The following DSTYK variants were observed in gnomAD, a reference collection of about 807,000 sequenced individuals.
DSTYK encodes the protein dual serine/threonine and tyrosine protein kinase, also known as RIP-homologous kinase.
DSTYK carries 34 observed loss-of-function variants against 98.7 expected under a neutral mutation model. The observed-to-expected ratio is 0.34, with a 90% confidence interval of 0.26 to 0.46. The LOEUF is 0.46. DSTYK is among the 20% of genes least tolerant of loss of function. The pLI is 1.00. For synonymous variants in DSTYK, 462 were observed against 457.3 expected, an observed-to-expected ratio of 1.01 and a Z score of -0.13; for missense variants, 962 against 1,181.7, an observed-to-expected ratio of 0.81 and a Z score of 2.73.
chr1:205,179,575 C>T (rs1398420120), intron 2 of DSTYK, among the ~76,000 whole-genome samples: 4 of 149,250 alleles, frequency 2.7e-5, no homozygotes, highest in Admixed American at 2.0e-4. Flanking sequence ...GAGCCGAGAT[C>T]GCGCCACTGC....
Position 205,148,220 on chromosome 1 carries a change from T to G in DSTYK, c.2587A>C (p.Asn863His). The change falls in exon 12 of 13, where the codon AAC becomes CAC. Residue 863 changes from asparagine to histidine, a missense_variant. This residue lies in a region of DSTYK where 69 missense variants were observed against 142.9 expected (regional missense o/e 0.48). Coordinates refer to ENST00000367162, the MANE Select transcript of DSTYK (RefSeq NM_015375.3). Reference sequence around the variant, plus strand: ...TGGCTCTTACCCCTCCGCACATTGTTCCAGAGATGGTCTTTGCTAGCACAC... The same window carrying G: ...TGGCTCTTACCCCTCCGCACATTGTGCCAGAGATGGTCTTTGCTAGCACAC... ...ERCASKDHLW[N>H]NVRRGARPER... The G allele has an allele frequency of 6.2e-7, 1 of 1,614,124 alleles. No homozygotes were observed. Among genetic ancestry groups the G allele is most frequent in the African/African-American group, 1.3e-5 (1 of 75,054 alleles).
At position 205,160,219 on chromosome 1, in the gene DSTYK, T is replaced by C. The variant is rs757218647; in HGVS notation, c.2000A>G (p.Tyr667Cys). 18 of 1,614,148 alleles carry C rather than the reference T, an allele frequency of 1.1e-5. No individual in the cohort carries two copies. The highest frequency in any genetic ancestry group is 1.5e-5 in the Non-Finnish European group (18 of 1,180,014). ...GTGTCCTCCCCAGTTGTCACACAGG[T>C]ATACCACACCATACTGGCCCCGGCC... The part of the protein sequence containing the change: ...ELGRGQYGVV[Y>C]LCDNWGGHFP... Residue 667 changes from tyrosine to cysteine, a missense_variant, in exon 8 of 13, where the codon TAC becomes TGC. Transcript: ENST00000367162.
At chr1:205,202,603 T>C in intron 1 of DSTYK, 1 of 1,103,804 alleles carries the variant, frequency 9.1e-7, no homozygotes, top group Non-Finnish European at 1.4e-6. Context: ...GATTAACCCA[T>C]ACGTGAGCTC....
In DSTYK at chr1:205,195,007, T is replaced by C. The variant is rs1259504349; in HGVS notation, c.266-7201A>G. On this transcript the variant is annotated intron_variant, in intron 1 of 12. Transcript: ENST00000367162. ...GCCACTAATTTTTTTTTTTTTTTTT[T>C]GTATAGACAGGATTTCACCATGTTG... Among the ~76,000 whole-genome samples, 3 of 150,366 alleles carry C rather than the reference T, an allele frequency of 2.0e-5. No individual in the cohort carries two copies. In the East Asian group the frequency reaches 5.9e-4, roughly 30 times the overall value.
rs535554109 is a variant in DSTYK, at chr1:205,162,016, C to G, written c.1818+20G>C. 3.6e-5 allele frequency: 58 copies of G among 1,606,796 alleles called. No individual in the cohort carries two copies. In the East Asian group the frequency reaches 1.3e-3, roughly 35 times the overall value. On this transcript the variant is annotated intron_variant, in intron 6 of 12. Coordinates refer to ENST00000367162, the MANE Select transcript of DSTYK (RefSeq NM_015375.3). ...TCTTCTCTGCTTGATCCAGCTGTAT[C>G]TCCTTTCCTACATACCAACCTGCCG... is the stretch of plus-strand genomic sequence containing the variant.
intron 3 of DSTYK, among the ~76,000 whole-genome samples, chr1:205,167,632 T>G (rs1249474411): frequency 6.6e-6 from 1 of 152,074 alleles, no homozygotes; most frequent in Non-Finnish European, 1.5e-5. Flanking sequence ...GAAATAAGAC[T>G]GGAAAAGTTG....
intron 2 of DSTYK, among the ~76,000 whole-genome samples, chr1:205,173,565 T>C (rs893388102): frequency 2.6e-5 from 4 of 152,130 alleles, no homozygotes; most frequent in Non-Finnish European, 5.9e-5. Flanking sequence ...AACCAAAGTA[T>C]TGTTTAGAAA....
In DSTYK at chr1:205,148,347, C is replaced by G; in HGVS notation, c.2468-8G>C. The G allele has an allele frequency of 6.2e-7, 1 of 1,613,204 alleles. No homozygotes were observed. Among genetic ancestry groups the G allele is most frequent in the Non-Finnish European group, 8.5e-7 (1 of 1,179,940 alleles). On this transcript the variant is annotated splice_region_variant and splice_polypyrimidine_tract_variant and intron_variant, in intron 11 of 12. Transcript: ENST00000367162. The stretch of plus-strand genomic sequence containing the variant: ...CGGAATTATCGTACTTCCCTGATGG[C>G]AAGAAAGGATGAAACGTAATGAGCC...
chr1:205,194,680 G>A (rs1203049501), intron 1 of DSTYK, among the ~76,000 whole-genome samples: 1 of 150,678 alleles, frequency 6.6e-6, no homozygotes. Context: ...GCCGTGCCTG[G>A]CCTAAAAAAA....
At chr1:205,200,846 C>A (rs940756565) in intron 1 of DSTYK, among the ~76,000 whole-genome samples, 1 of 152,112 alleles carries the variant, frequency 6.6e-6, no homozygotes, top group African/African-American at 2.4e-5. Context: ...GATACTGGCA[C>A]AGAATGCAAC....
chr1:205,161,411 C>G (rs774137491), intron 6 of DSTYK, 24 bp from the exon 7 acceptor site: 1 of 1,613,632 alleles, frequency 6.2e-7, no homozygotes, highest in Middle Eastern at 1.7e-4. Flanking sequence ...AGAAAAAGTA[C>G]ATATGACTTA....
intron 1 of DSTYK, among the ~76,000 whole-genome samples, chr1:205,210,891 C>A (rs1659351565): frequency 6.6e-6 from 1 of 152,242 alleles, no homozygotes; most frequent in African/African-American, 2.4e-5. Flanking sequence ...GGGCTCTGAC[C>A]CACAACGGCG....
At chr1:205,185,848 C>A (rs1036564335) in intron 2 of DSTYK, among the ~76,000 whole-genome samples, 4 of 152,002 alleles carry the variant, frequency 2.6e-5, no homozygotes, top group Non-Finnish European at 5.9e-5. Flanking sequence ...CATGGTGAAA[C>A]CCTGTCTCTA....
chr1:205,184,705 A>C (rs1383866110), intron 2 of DSTYK, among the ~76,000 whole-genome samples: 1 of 152,166 alleles, frequency 6.6e-6, no homozygotes, highest in East Asian at 1.9e-4. Flanking sequence ...CACTGCCTCC[A>C]CTGGTTGAAG....
intron 5 of DSTYK, among the ~76,000 whole-genome samples, chr1:205,162,625 T>C (rs993535727): frequency 1.3e-5 from 2 of 152,242 alleles, no homozygotes; most frequent in Non-Finnish European, 2.9e-5. Flanking sequence ...GCTAGTGTGG[T>C]AGAGTCTTAT....
intron 1 of DSTYK, among the ~76,000 whole-genome samples, chr1:205,208,947 G>A (rs1431438811): frequency 1.3e-5 from 2 of 152,146 alleles, no homozygotes; most frequent in Non-Finnish European, 2.9e-5. Context: ...AGGAAGAAAA[G>A]CATTTTATGG....
chr1:205,192,364 G>A (rs1574791016), intron 1 of DSTYK, among the ~76,000 whole-genome samples: 2 of 151,778 alleles, frequency 1.3e-5, no homozygotes, highest in South Asian at 4.2e-4. Context: ...AGCAACCCCC[G>A]CCGTGCCTTT....
chr1:205,191,205 CTT>C (rs2102457447), intron 1 of DSTYK, among the ~76,000 whole-genome samples: 1 of 152,348 alleles, frequency 6.6e-6, no homozygotes. Flanking sequence ...ACATCACCGT[CTT>C]TGTTTTCCAA....
At chr1:205,207,713 G>A (rs1181369780) in intron 1 of DSTYK, among the ~76,000 whole-genome samples, 5 of 115,928 alleles carry the variant, frequency 4.3e-5, no homozygotes, top group South Asian at 3.1e-4. Flanking sequence ...CCAAGATCAC[G>A]CCACTGCACT....
Sources: gnomAD v4.1 joint callset for allele counts (sites outside exome capture counted in the v4.1 genomes callset) on GRCh38, gnomAD v4.1.1 for gene constraint, gnomAD v4.1.1 regional missense constraint, MANE v1.5 for transcripts, NCBI Gene and HGNC (gene_info 2026-07-23, HGNC 2026-07-21) for gene names.